Variants in SNX29 observed in about 807,000 individuals in gnomAD.
SNX29 encodes sorting nexin-29.
A neutral mutation model predicts 102.1 loss-of-function variants in SNX29; 78 were observed. The observed-to-expected ratio is 0.76, with a 90% confidence interval of 0.64 to 0.92. The LOEUF (loss-of-function observed/expected upper bound fraction) is 0.92. Ranked by LOEUF, SNX29 falls within the 40% of genes least tolerant of loss-of-function variation. The pLI is 0.00. For missense variants in SNX29, 1,280 were observed against 1,061.7 expected, an observed-to-expected ratio of 1.21 and a Z score of -2.86; for synonymous variants, 580 against 414.5, an observed-to-expected ratio of 1.40 and a Z score of -4.85.
chr16:12,285,248 T>C (rs1167679452), intron 15 of SNX29, among the ~76,000 whole-genome samples: 1 of 152,220 alleles, frequency 6.6e-6, no homozygotes, highest in Non-Finnish European at 1.5e-5. Context: ...CTTCGGGCTC[T>C]CCCAGCTCTT....
chr16:12,377,858 A>T (rs2082934783), intron 16 of SNX29, among the ~76,000 whole-genome samples: 1 of 152,158 alleles, frequency 6.6e-6, no homozygotes, highest in Non-Finnish European at 1.5e-5. Context: ...CTGTGGCCTT[A>T]AATAGTCCAC....
chr16:11,989,753 C>T (rs1416469890), intron 1 of SNX29, among the ~76,000 whole-genome samples: 3 of 151,900 alleles, frequency 2.0e-5, no homozygotes, highest in East Asian at 3.8e-4. Context: ...ATCCCTCCCA[C>T]GATGGGGATT....
intron 13 of SNX29, among the ~76,000 whole-genome samples, chr16:12,186,381 A>G (rs760798016): frequency 2.0e-5 from 3 of 152,192 alleles, no homozygotes; most frequent in African/African-American, 4.8e-5. Context: ...CTGTGTATCC[A>G]TACAAACTTT....
At chr16:12,315,205 T>G (rs945465153) in intron 15 of SNX29, among the ~76,000 whole-genome samples, 2 of 152,112 alleles carry the variant, frequency 1.3e-5, no homozygotes, top group Non-Finnish European at 2.9e-5. Context: ...GGACCGGGCT[T>G]CAGTGGGGCC....
intron 18 of SNX29, among the ~76,000 whole-genome samples, chr16:12,459,205 G>A (rs2086671155): frequency 6.8e-6 from 1 of 147,078 alleles, no homozygotes. Context: ...TAGGTTCTGC[G>A]TCTCTGTACT....
In SNX29 at chr16:12,126,713, G is replaced by T; in HGVS notation, c.1466+17G>T. On this transcript the variant is annotated intron_variant, in intron 12 of 20. Transcript: ENST00000566228. ...GGAGAACAGGTACCGTGATTTTCAG[G>T]CTTGAGGAATAGCCTCTTTCTTTGA... 1 of 1,613,592 alleles carries T rather than the reference G, an allele frequency of 6.2e-7. No individual in the cohort carries two copies. The highest frequency in any genetic ancestry group is 8.5e-7 in the Non-Finnish European group (1 of 1,179,684).
At chr16:12,361,052 C>A (rs2151327996) in intron 16 of SNX29, among the ~76,000 whole-genome samples, 1 of 152,340 alleles carries the variant, frequency 6.6e-6, no homozygotes, top group East Asian at 1.9e-4. Flanking sequence ...TTCCAGCATC[C>A]CTGCAGTGGC....
intron 19 of SNX29, among the ~76,000 whole-genome samples, chr16:12,489,998 G>A (rs919145452): frequency 4.6e-5 from 7 of 152,060 alleles, no homozygotes; most frequent in African/African-American, 1.7e-4. Flanking sequence ...TAGAGATGGG[G>A]TTTCTCCATG....
chr16:12,294,295 G>C (rs1006656044), intron 15 of SNX29, among the ~76,000 whole-genome samples: 3 of 152,180 alleles, frequency 2.0e-5, no homozygotes, highest in Non-Finnish European at 4.4e-5. Context: ...GGTGCCTGCT[G>C]TGATGGGGAA....
rs569606419 is a variant in SNX29 at position 12,403,443 on chromosome 16, G to C, written c.1956-5G>C. On this transcript the variant is annotated splice_region_variant and splice_polypyrimidine_tract_variant and intron_variant, in intron 17 of 20. Transcript: ENST00000566228. ...TGTTGGTCTCTCTCTCTTCCTTTTG[G>C]TTAGATCAAACCGGGCGCTGATCAA... 11 of 1,602,380 alleles carry C rather than the reference G, an allele frequency of 6.9e-6. No individual in the cohort carries two copies. In the Admixed American group the frequency reaches 1.9e-4, roughly 27 times the overall value.
At chr16:12,191,387 T>A (rs953801146) in intron 13 of SNX29, among the ~76,000 whole-genome samples, 5 of 152,186 alleles carry the variant, frequency 3.3e-5, no homozygotes, top group African/African-American at 1.2e-4. Flanking sequence ...CTCTGCCACT[T>A]GTCAGCTTGT....
intron 17 of SNX29, among the ~76,000 whole-genome samples, chr16:12,399,338 C>T (rs1394874048): frequency 2.6e-5 from 4 of 152,208 alleles, no homozygotes; most frequent in Non-Finnish European, 5.9e-5. Context: ...AGTTGGGAGC[C>T]ACCGTGCCCA....
chr16:12,358,069 G>C (rs1283464414), intron 16 of SNX29, among the ~76,000 whole-genome samples: 6 of 152,064 alleles, frequency 3.9e-5, no homozygotes, highest in Non-Finnish European at 2.9e-5. Context: ...TCACTTCCTG[G>C]GTCCATTACA....
chr16:12,321,628 A>G (rs1317878671), intron 15 of SNX29, among the ~76,000 whole-genome samples: 1 of 152,186 alleles, frequency 6.6e-6, no homozygotes, highest in East Asian at 1.9e-4. Flanking sequence ...GAGCTCAAAG[A>G]GGGCGCTGAG....
chr16:12,279,428 C>A (rs377714663), intron 15 of SNX29, among the ~76,000 whole-genome samples: 2 of 152,238 alleles, frequency 1.3e-5, no homozygotes, highest in African/African-American at 4.8e-5. Context: ...GGCCTTAACA[C>A]ACAGGTTGGT....
intron 19 of SNX29, among the ~76,000 whole-genome samples, chr16:12,499,741 A>G (rs1245075795): frequency 2.0e-5 from 3 of 152,166 alleles, no homozygotes; most frequent in Non-Finnish European, 4.4e-5. Context: ...TGGCACAATC[A>G]CGGCTCACTT....
chr16:12,122,419 G>T (rs2054012562), intron 11 of SNX29, among the ~76,000 whole-genome samples: 1 of 152,050 alleles, frequency 6.6e-6, no homozygotes, highest in Non-Finnish European at 1.5e-5. Context: ...GAGTAAGACA[G>T]GGCAGGCCCA....
intron 14 of SNX29, among the ~76,000 whole-genome samples, chr16:12,238,327 A>T: frequency 7.1e-6 from 1 of 140,126 alleles, no homozygotes; most frequent in Admixed American, 7.3e-5. Flanking sequence ...TTTGAGACGG[A>T]GTCTCGCTCT....
chr16:11,987,574 AT>A (rs2055681890), intron 1 of SNX29, among the ~76,000 whole-genome samples: 1 of 151,762 alleles, frequency 6.6e-6, no homozygotes, highest in Non-Finnish European at 1.5e-5. Context: ...TTTTTGTATT[AT>A]TAGTAAAGAC....
Sources: allele counts gnomAD v4.1 joint callset (sites outside exome capture counted in the v4.1 genomes callset), GRCh38; gene constraint gnomAD v4.1.1; transcripts MANE v1.5; gene names NCBI Gene and HGNC (gene_info 2026-07-23, HGNC 2026-07-21).